The following TTC7A variants were observed in gnomAD, a reference collection of about 807,000 sequenced individuals.
TTC7A encodes tetratricopeptide repeat domain 7A.
TTC7A carries 110 observed loss-of-function variants against 103.7 expected under a neutral mutation model. The observed-to-expected ratio is 1.06, with a 90% confidence interval of 0.91 to 1.24. The LOEUF (loss-of-function observed/expected upper bound fraction) is 1.24, where lower values mean the gene tolerates loss of function less well. TTC7A is among the 50% of genes most tolerant of loss of function. The pLI is 0.00. For synonymous variants in TTC7A, 521 were observed against 467.9 expected (o/e 1.11, Z -1.47); for missense variants, 1,340 against 1,116.3 (o/e 1.20, Z -2.86).
In TTC7A at chr2:46,917,048, G is replaced by A. The variant is rs1045127615; in HGVS notation, c.-12-136G>A. ...GACAAAGAAAGTGGCTAAGTAGTTA[G>A]ATGCCTTGAAAGTTGCCTAACGCCA... is the stretch of plus-strand genomic sequence containing the variant. On this transcript the variant is annotated intron_variant, in intron 1 of 20. Transcript: ENST00000409245. 24 of 606,146 alleles carry A rather than the reference G, an allele frequency of 4.0e-5. 1 individual carries two copies. Among genetic ancestry groups the A allele is most frequent in the Middle Eastern group, 8.8e-4 (2 of 2,282 alleles). 37.5% of individuals were successfully genotyped at this position (606,146 alleles called of 1,614,324 possible). A position where few individuals can be genotyped will look rare whatever the true frequency, so the allele number is the denominator to read the frequency against.
intron 15 of TTC7A, among the ~76,000 whole-genome samples, chr2:47,033,099 G>T (rs1572972841): frequency 6.6e-6 from 1 of 152,144 alleles, no homozygotes; most frequent in Non-Finnish European, 1.5e-5. Flanking sequence ...TTACAGGTCA[G>T]GGATCACTGA....
In TTC7A at chr2:47,024,423, A is replaced by G. The variant is rs1467339930; in HGVS notation, c.1641+64A>G. 11 of 1,441,292 alleles carry G rather than the reference A, an allele frequency of 7.6e-6. No individual in the cohort carries two copies. In the Middle Eastern group the frequency reaches 8.8e-4, roughly 115 times the overall value. 89.3% of individuals were successfully genotyped at this position (1,441,292 alleles called of 1,614,324 possible). The stretch of plus-strand genomic sequence containing the variant: ...GCTGCTGATCTTCTCCTGGAAACCC[A>G]GCTTACCAGCTGTGTGACCCTCTGC... On this transcript the variant is annotated intron_variant, in intron 14 of 19. Transcript: ENST00000319190.
At chr2:46,930,569 G>A (rs1669641709) in intron 2 of TTC7A, among the ~76,000 whole-genome samples, 1 of 149,012 alleles carries the variant, frequency 6.7e-6, no homozygotes, top group Non-Finnish European at 1.5e-5. Flanking sequence ...GCGCGATCTT[G>A]GCTCACTGCA....
upstream of TTC7A, chr2:46,916,006 C>A: frequency 1.0e-6 from 1 of 985,498 alleles, no homozygotes; most frequent in Non-Finnish European, 1.2e-6. Context: ...CGACACTCGG[C>A]TCCACTCCAG....
chr2:47,016,097 G>A (rs1247782151), intron 11 of TTC7A, among the ~76,000 whole-genome samples: 4 of 152,208 alleles, frequency 2.6e-5, no homozygotes, highest in Non-Finnish European at 5.9e-5. Flanking sequence ...GAAATGGAAG[G>A]CAGTCCTGGG....
At chr2:46,952,910 AAG>A (rs1207563609) in intron 2 of TTC7A, among the ~76,000 whole-genome samples, 1 of 152,216 alleles carries the variant, frequency 6.6e-6, no homozygotes, top group Non-Finnish European at 1.5e-5. Flanking sequence ...ATAGAGTTGT[AAG>A]ATATATATTT....
At chr2:47,049,377 G>C (rs557614303) in intron 16 of TTC7A, among the ~76,000 whole-genome samples, 1 of 152,162 alleles carries the variant, frequency 6.6e-6, no homozygotes, top group African/African-American at 2.4e-5. Flanking sequence ...TAGCAGCAGG[G>C]ATCTGGGAAA....
chr2:46,917,023 G>A (rs1352058941), intron 1 of TTC7A, among the ~76,000 whole-genome samples: 2 of 152,108 alleles, frequency 1.3e-5, no homozygotes, highest in African/African-American at 4.8e-5. Context: ...GGACAGGAAA[G>A]ACAAAGAAAG....
At chr2:46,969,079 G>A (rs1673120700) in intron 3 of TTC7A, among the ~76,000 whole-genome samples, 1 of 151,652 alleles carries the variant, frequency 6.6e-6, no homozygotes, top group Non-Finnish European at 1.5e-5. Context: ...ATTTTCTATT[G>A]ATATAGATTA....
chr2:47,028,391 C>T lies in TTC7A; in HGVS notation c.1642-833C>T, dbSNP rs182676010. On this transcript the variant is annotated intron_variant, in intron 14 of 19. Transcript: ENST00000319190. ...GCCAGATCCAGTAGAACATTGGAGT[C>T]CTGCCTGCAGGGTTGGCGGGAGCAG... Among the ~76,000 whole-genome samples the T allele has an allele frequency of 6.4e-4, 97 of 152,374 alleles. 1 individual carries two copies. The highest frequency in any genetic ancestry group is 1.2e-3 in the Admixed American group (19 of 15,312).
intron 12 of TTC7A, among the ~76,000 whole-genome samples, chr2:47,022,408 C>T (rs1572937267): frequency 1.3e-5 from 2 of 152,318 alleles, no homozygotes; most frequent in Non-Finnish European, 2.9e-5. Flanking sequence ...CTTTTAAATC[C>T]CCCTCAATAC....
Position 47,029,021 on chromosome 2 carries a change from T to G in TTC7A, c.1642-203T>G, listed in dbSNP as rs183456755. Among the ~76,000 whole-genome samples the G allele has an allele frequency of 2.6e-3, 393 of 152,326 alleles. 3 individuals carry two copies. The highest frequency in any genetic ancestry group is 1.1e-3 in the Non-Finnish European group (75 of 68,026). ...CCTTTGTGCCACACCACAAACCTGC[T>G]TCTCTTCATTCCTGAGTGTGGCAGC... On this transcript the variant is annotated intron_variant, in intron 14 of 19. Coordinates refer to ENST00000319190, the MANE Select transcript of TTC7A (RefSeq NM_020458.4).
intron 2 of TTC7A, among the ~76,000 whole-genome samples, chr2:46,922,141 A>G (rs1459401948): frequency 5.9e-5 from 9 of 152,240 alleles, no homozygotes; most frequent in Non-Finnish European, 2.9e-5. Flanking sequence ...GGCTAGGGTC[A>G]TCAAACAACA....
intron 8 of TTC7A, among the ~76,000 whole-genome samples, chr2:47,000,876 G>A (rs1229303743): frequency 6.6e-6 from 1 of 152,150 alleles, no homozygotes; most frequent in African/African-American, 2.4e-5. Flanking sequence ...CCTGATGGGA[G>A]AAGCCTGGCC....
chr2:47,014,270 C>G (rs765120204), intron 11 of TTC7A, among the ~76,000 whole-genome samples: 1 of 152,196 alleles, frequency 6.6e-6, no homozygotes, highest in African/African-American at 2.4e-5. Flanking sequence ...ATACTAGTAA[C>G]TGACGAAGCG....
At chr2:47,050,412 T>C (rs1260150110) in intron 17 of TTC7A, 1 of 202,328 alleles carries the variant, frequency 4.9e-6, no homozygotes, top group Non-Finnish European at 1.0e-5. Context: ...TGGACTGAGC[T>C]CTTTACAATT....
chr2:47,059,796 C>T (rs1683619771), intron 18 of TTC7A, among the ~76,000 whole-genome samples: 1 of 152,216 alleles, frequency 6.6e-6, no homozygotes, highest in Admixed American at 6.5e-5. Flanking sequence ...CACTTACTCC[C>T]ACTGTGGCCT....
Position 47,010,076 on chromosome 2 carries a change from T to C in TTC7A, c.1288-1255T>C, listed in dbSNP as rs1480899612. 3.3e-5 allele frequency among the ~76,000 whole-genome samples: 5 copies of C among 152,146 alleles called. No homozygotes were observed. In the South Asian group the frequency reaches 8.3e-4, roughly 25 times the overall value. ...GAACAAGTTACCTGACTTCTCCGCA[T>C]TTCAGTTTTCCCATCTGTAAAGTAG... On this transcript the variant is annotated intron_variant, in intron 10 of 19. Transcript: ENST00000319190.
At chr2:46,982,576 C>G (rs1674578847) in intron 5 of TTC7A, among the ~76,000 whole-genome samples, 1 of 152,224 alleles carries the variant, frequency 6.6e-6, no homozygotes, top group South Asian at 2.1e-4. Flanking sequence ...CTTTCCTTAT[C>G]TGTAAGCTGG....
Sources: allele counts gnomAD v4.1 joint callset (sites outside exome capture counted in the v4.1 genomes callset), GRCh38; gene constraint gnomAD v4.1.1; transcripts MANE v1.5; gene names NCBI Gene and HGNC (gene_info 2026-07-23, HGNC 2026-07-21).